FAM186A: variants seen among roughly 807,000 people sequenced by gnomAD.
FAM186A encodes the protein family with sequence similarity 186 member A.
Under a neutral mutation model 216.8 loss-of-function variants are expected in FAM186A, and 163 were observed. The observed-to-expected ratio is 0.75, with a 90% CI of 0.66 to 0.86. The LOEUF is 0.86. Among genes scored for constraint, FAM186A ranks in the 40% least tolerant of loss-of-function variants. The probability of loss-of-function intolerance (pLI) is 0.00; values close to 1 mark genes in which losing one functional copy is unlikely to be tolerated. For synonymous variants in FAM186A, 805 were observed against 1,025.3 expected, an observed-to-expected ratio of 0.79 and a Z score of 4.10; for missense variants, 2,184 against 2,746.2, an observed-to-expected ratio of 0.80 and a Z score of 4.58.
At chr12:50,349,176 C>A (rs908346486) in intron 4 of FAM186A, among the ~76,000 whole-genome samples, 1 of 151,722 alleles carries the variant, frequency 6.6e-6, no homozygotes, top group African/African-American at 2.4e-5. Context: ...TTTCCCCCCA[C>A]CCCCACTACC....
chr12:50,361,576 T>C (rs1245440584), intron 2 of FAM186A, among the ~76,000 whole-genome samples: 1 of 151,070 alleles, frequency 6.6e-6, no homozygotes, highest in Non-Finnish European at 1.5e-5. Flanking sequence ...GTCTTTTTTT[T>C]TTTTTTTTTT....
chr12:50,331,616 A>C, intron 6 of FAM186A, 54 bp downstream of exon 6: 2 of 1,497,006 alleles, frequency 1.3e-6, no homozygotes, highest in Non-Finnish European at 1.8e-6. Context: ...AGGGAAAAAA[A>C]AATTAGGTCC....
In FAM186A at chr12:50,354,354, A is replaced by G; in HGVS notation, c.2478T>C (p.Tyr826=). The change falls in exon 4 of 8, where the codon TAT becomes TAC. Residue 826 remains tyrosine, a synonymous_variant. Transcript: ENST00000327337. The stretch of plus-strand genomic sequence containing the variant: ...ACATTTGTTCTTGACCCTCTTGCAA[A>G]TATTGCTCCTGCCTTTGTTTTTCCT... ...KEKEKQRQEQ[Y]LQEGQEQMSG... is the part of the protein sequence containing the mutation. 6.4e-7 allele frequency: 1 copy of G among 1,551,530 alleles called. No homozygotes were observed. The highest frequency in any genetic ancestry group is 8.7e-7 in the Non-Finnish European group (1 of 1,146,968).
At chr12:50,376,601 C>G (rs1257843778) in intron 1 of FAM186A, among the ~76,000 whole-genome samples, 1 of 152,154 alleles carries the variant, frequency 6.6e-6, no homozygotes, top group Admixed American at 6.5e-5. Flanking sequence ...TGCATGCTGA[C>G]TGGTCCATGA....
chr12:50,334,175 C>CTTT, intron 4 of FAM186A, 72 bp from the exon 5 acceptor site: 9 of 1,004,028 alleles, frequency 9.0e-6, no homozygotes, highest in Non-Finnish European at 8.1e-6. Flanking sequence ...TCCTCAGTTT[C>CTTT]TTTTTTTTTT....
At chr12:50,367,917 G>A (rs1314403757) in intron 1 of FAM186A, among the ~76,000 whole-genome samples, 1 of 152,114 alleles carries the variant, frequency 6.6e-6, no homozygotes, top group African/African-American at 2.4e-5. Context: ...AGGCCGAGGC[G>A]GGTGGATCAC....
intron 1 of FAM186A, among the ~76,000 whole-genome samples, chr12:50,385,789 C>T (rs1943297588): frequency 6.6e-6 from 1 of 151,854 alleles, no homozygotes; most frequent in Non-Finnish European, 1.5e-5. Flanking sequence ...GTAGTCCCAG[C>T]TACTCGGGAG....
chr12:50,331,965 A>G, intron 5 of FAM186A, 144 bp from the exon 6 acceptor site: 3 of 662,262 alleles, frequency 4.5e-6, no homozygotes, highest in Non-Finnish European at 7.3e-6. Flanking sequence ...ACCCACCTCC[A>G]ACATGCATCA....
At chr12:50,370,337 C>T (rs1943132499) in intron 1 of FAM186A, among the ~76,000 whole-genome samples, 1 of 151,492 alleles carries the variant, frequency 6.6e-6, no homozygotes, top group African/African-American at 2.4e-5. Context: ...CCAAATAAAC[C>T]AATTTTAAAA....
chr12:50,345,430 G>C (rs1045698313), intron 4 of FAM186A, among the ~76,000 whole-genome samples: 1 of 152,060 alleles, frequency 6.6e-6, no homozygotes, highest in Non-Finnish European at 1.5e-5. Context: ...AACAAAAAAA[G>C]AAACAGAATG....
intron 4 of FAM186A, among the ~76,000 whole-genome samples, chr12:50,346,219 A>G (rs138299220): frequency 0.55 from 23,624 of 42,576 alleles, 5,007 homozygotes; most frequent in Non-Finnish European, 0.63. Context: ...GAGAGAGAGA[A>G]GGAAAGAAAG....
At position 50,351,715 on chromosome 12, in the gene FAM186A, T is replaced by A; in HGVS notation, c.5117A>T (p.Lys1706Met). 3.9e-6 allele frequency: 6 copies of A among 1,551,548 alleles called. No homozygotes were observed. Among genetic ancestry groups the A allele is most frequent in the Non-Finnish European group, 5.2e-6 (6 of 1,146,892 alleles). Residue 1706 changes from lysine to methionine, a missense_variant, in exon 4 of 8, where the codon AAG becomes ATG. Coordinates refer to ENST00000327337, the MANE Select transcript of FAM186A (RefSeq NM_001145475.3). Reference sequence around the variant, plus strand: ...TGGTCTATGGGACCACTGGACTTGCTTAAGGGTGAGGGGCGATCCCAAGGT... The same window carrying A: ...TGGTCTATGGGACCACTGGACTTGCATAAGGGTGAGGGGCGATCCCAAGGT... ...AHTLGSPLTL[K>M]QVQWSHRPFQ...
chr12:50,353,961 C>T lies in FAM186A; in HGVS notation c.2871G>A (p.Gly957=). Residue 957 remains glycine (G), a synonymous_variant, in exon 4 of 8, where the codon GGG becomes GGA. Transcript: ENST00000327337. ...TCCCTTTCTCCCTTCTCCTGTGTGG[C>T]CCCAAATGTTTCGCTTCCTTCTGAA... ...RQIQKEAKHL[G]PHRRREKGKE... 6.4e-7 allele frequency: 1 copy of T among 1,553,442 alleles called. No homozygotes were observed. The highest frequency in any genetic ancestry group is 8.7e-7 in the Non-Finnish European group (1 of 1,148,012).
chr12:50,384,481 T>C (rs1201328994), intron 1 of FAM186A, among the ~76,000 whole-genome samples: 1 of 152,222 alleles, frequency 6.6e-6, no homozygotes, highest in East Asian at 1.9e-4. Flanking sequence ...AGACCCTGAA[T>C]ATCCAAAGCA....
In FAM186A at chr12:50,383,249, T is replaced by TAAAAAAA. The variant is rs1167515309; in HGVS notation, c.192+13037_192+13043dup. 8.0e-3 allele frequency among the ~76,000 whole-genome samples: 83 copies of TAAAAAAA among 10,360 alleles called. 6 individuals are homozygous for TAAAAAAA. Among genetic ancestry groups the TAAAAAAA allele is most frequent in the East Asian group, 0.021 (7 of 334 alleles). The allele number at this position is 10,360 out of a possible 152,430, so 6.8% of individuals were successfully genotyped here. A position where few individuals can be genotyped will look rare whatever the true frequency, so the allele number is the denominator to read the frequency against. Reference sequence around the variant, plus strand: ...CTGGGTGACAGAGCAAGACTCCGTCTAAAAAAAAAAAAAAAAAAAAAAAAA... The same window carrying TAAAAAAA: ...CTGGGTGACAGAGCAAGACTCCGTCTAAAAAAAAAAAAAAAAAAAAAAAAAAAAAAAA... On this transcript the variant is annotated intron_variant, in intron 1 of 7. Coordinates refer to ENST00000327337, the MANE Select transcript of FAM186A (RefSeq NM_001145475.3).
intron 5 of FAM186A, among the ~76,000 whole-genome samples, chr12:50,333,257 C>T (rs975841449): frequency 6.6e-6 from 1 of 152,048 alleles, no homozygotes; most frequent in Non-Finnish European, 1.5e-5. Context: ...TCAGGCCAGG[C>T]GTGGTGGCTC....
At position 50,352,008 on chromosome 12, in the gene FAM186A, C is replaced by T. The variant is rs144970699; in HGVS notation, c.4824G>A (p.Ala1608=). 701 of 610,752 alleles carry T rather than the reference C, an allele frequency of 1.1e-3. 17 individuals carry two copies. Among genetic ancestry groups the T allele is most frequent in the Non-Finnish European group, 1.4e-3 (562 of 401,872 alleles). The allele number at this position is 610,752 out of a possible 1,614,324, so 37.8% of individuals were successfully genotyped here. Residue 1608 remains alanine (A), a synonymous_variant, in exon 4 of 8, where the codon GCG becomes GCA. Coordinates refer to ENST00000327337, the MANE Select transcript of FAM186A (RefSeq NM_001145475.3). ...GGGTGAGAGGGATCCCCTGAGCCTGCGCCTGCTGAGGGGTGAGAGGGATCC... is the reference window on the plus strand; with the variant it reads ...GGGTGAGAGGGATCCCCTGAGCCTGTGCCTGCTGAGGGGTGAGAGGGATCC... ...ELGIPLTPQQ[A]QAQGIPLTPQ...
chr12:50,371,467 A>C (rs1943142024), intron 1 of FAM186A, among the ~76,000 whole-genome samples: 1 of 152,144 alleles, frequency 6.6e-6, no homozygotes, highest in Admixed American at 6.6e-5. Context: ...TCAGCCTTAA[A>C]ATTGAAGGAT....
intron 1 of FAM186A, among the ~76,000 whole-genome samples, chr12:50,389,732 C>A (rs1054560596): frequency 6.6e-5 from 10 of 152,176 alleles, no homozygotes; most frequent in African/African-American, 1.2e-4. Flanking sequence ...AATGAAGCCA[C>A]ATCTGGTACA....
Sources: allele counts gnomAD v4.1 joint callset (sites outside exome capture counted in the v4.1 genomes callset), GRCh38; gene constraint gnomAD v4.1.1; transcripts MANE v1.5; gene names NCBI Gene and HGNC (gene_info 2026-07-23, HGNC 2026-07-21).